MAML2: variants seen among roughly 807,000 people sequenced by gnomAD.
MAML2 encodes the protein mastermind like transcriptional coactivator 2, also known as mastermind-like protein 2.
Under a neutral mutation model 96.1 loss-of-function variants are expected in MAML2, and 22 were observed. The observed-to-expected ratio is 0.23, with a 90% CI of 0.16 to 0.33. The LOEUF (loss-of-function observed/expected upper bound fraction) is 0.33. Ranked by LOEUF, MAML2 falls within the 10% of genes least tolerant of loss-of-function variation. The pLI is 1.00. For synonymous variants in MAML2, 561 were observed against 521.3 expected, an observed-to-expected ratio of 1.08 and a Z score of -1.04; for missense variants, 1,367 against 1,392.4, an observed-to-expected ratio of 0.98 and a Z score of 0.29.
intron 1 of MAML2, among the ~76,000 whole-genome samples, chr11:96,252,654 A>C (rs1862600312): frequency 6.6e-6 from 1 of 152,022 alleles, no homozygotes; most frequent in African/African-American, 2.4e-5. Context: ...TCAACATGAC[A>C]GGCTTATGAG....
chr11:96,212,854 A>G (rs1425964429), intron 1 of MAML2, among the ~76,000 whole-genome samples: 2 of 152,216 alleles, frequency 1.3e-5, no homozygotes, highest in South Asian at 2.1e-4. Context: ...GCAACATGGT[A>G]ATTTAAGCAA....
chr11:96,070,135 C>T (rs199713390), intron 2 of MAML2, among the ~76,000 whole-genome samples: 1 of 151,658 alleles, frequency 6.6e-6, no homozygotes, highest in Non-Finnish European at 1.5e-5. Flanking sequence ...ACTAAAAATA[C>T]AAAAAATTAG....
intron 1 of MAML2, among the ~76,000 whole-genome samples, chr11:96,320,993 C>T (rs776552640): frequency 1.3e-5 from 2 of 152,068 alleles, no homozygotes; most frequent in Non-Finnish European, 2.9e-5. Context: ...TAACATTTTA[C>T]CTGAGGGGTA....
At chr11:96,137,092 G>C (rs1467273898) in intron 1 of MAML2, among the ~76,000 whole-genome samples, 1 of 152,202 alleles carries the variant, frequency 6.6e-6, no homozygotes, top group South Asian at 2.1e-4. Flanking sequence ...AGTTCAGGCA[G>C]GCCACCAAAC....
At chr11:96,084,760 T>A (rs1020103193) in intron 2 of MAML2, among the ~76,000 whole-genome samples, 5 of 152,004 alleles carry the variant, frequency 3.3e-5, no homozygotes, top group African/African-American at 4.8e-5. Flanking sequence ...GACCAGAAAG[T>A]GCGATACACA....
chr11:96,100,897 C>T (rs962137214), intron 1 of MAML2, among the ~76,000 whole-genome samples: 2 of 151,918 alleles, frequency 1.3e-5, no homozygotes, highest in Non-Finnish European at 2.9e-5. Flanking sequence ...AGGAAAGTGA[C>T]AACACACTTG....
In MAML2 at chr11:96,180,707, C is replaced by T. The variant is rs1861469845; in HGVS notation, c.514-87190G>A. On this transcript the variant is annotated intron_variant, in intron 1 of 4. Transcript: ENST00000524717. ...TGCTTGAAACCAGTAGGTTTTGGGG[C>T]AATTTGTTATGCAGTTATAGGAACT... is the stretch of plus-strand genomic sequence containing the variant. 2.6e-5 allele frequency among the ~76,000 whole-genome samples: 4 copies of T among 152,052 alleles called. 1 individual carries two copies. Among genetic ancestry groups the T allele is most frequent in the Admixed American group, 2.6e-4 (4 of 15,270 alleles).
At chr11:95,994,862 G>A (rs151298638) in intron 2 of MAML2, among the ~76,000 whole-genome samples, 1 of 152,126 alleles carries the variant, frequency 6.6e-6, no homozygotes, top group African/African-American at 2.4e-5. Context: ...CCATGCAATG[G>A]ACAAGACCAT....
chr11:96,209,255 G>A lies in MAML2; in HGVS notation c.514-115738C>T, dbSNP rs571239583. On this transcript the variant is annotated intron_variant, in intron 1 of 4. Transcript: ENST00000524717. ...GTGGGGGGTGGGGGGGCAGTCTTTT[G>A]GGACAAGGGTACCTTCTTCACATCC... Among the ~76,000 whole-genome samples, 4 of 151,782 alleles carry A rather than the reference G, an allele frequency of 2.6e-5. No individual in the cohort carries two copies. In the South Asian group the frequency reaches 8.3e-4, roughly 32 times the overall value.
chr11:96,003,107 G>A (rs1365578445), intron 2 of MAML2, among the ~76,000 whole-genome samples: 3 of 140,678 alleles, frequency 2.1e-5, no homozygotes, highest in African/African-American at 7.9e-5. Context: ...GAGGATGATG[G>A]GGATGATGAA....
chr11:96,030,389 A>C (rs1266710578), intron 2 of MAML2, among the ~76,000 whole-genome samples: 1 of 152,186 alleles, frequency 6.6e-6, no homozygotes, highest in African/African-American at 2.4e-5. Flanking sequence ...GCTTTGGAAG[A>C]AATGAATAGA....
intron 1 of MAML2, among the ~76,000 whole-genome samples, chr11:96,192,233 G>A (rs1861663935): frequency 1.3e-5 from 2 of 152,302 alleles, no homozygotes; most frequent in Middle Eastern, 3.4e-3. Context: ...GGCAGTTAGG[G>A]AATCATGTGG....
At chr11:95,996,110 T>A (rs1265241637) in intron 2 of MAML2, among the ~76,000 whole-genome samples, 2 of 152,168 alleles carry the variant, frequency 1.3e-5, no homozygotes, top group African/African-American at 4.8e-5. Context: ...GATCACCTAA[T>A]GCCTAGTCAC....
chr11:96,121,802 T>TTTTTTTTTTTTTTTTTTTTTTC (rs1860348033), intron 1 of MAML2, among the ~76,000 whole-genome samples: 1 of 134,008 alleles, frequency 7.5e-6, no homozygotes, highest in Non-Finnish European at 1.6e-5. Context: ...TTTTTTTTTT[T>TTTTTTTTTTTTTTTTTTTTTTC]TTGAGACGGA....
intron 1 of MAML2, among the ~76,000 whole-genome samples, chr11:96,290,037 T>C (rs565680684): frequency 3.2e-4 from 49 of 152,330 alleles, no homozygotes; most frequent in African/African-American, 1.1e-3. Flanking sequence ...TGTATTTTTA[T>C]TACTTTGTTA....
chr11:96,331,169 G>C (rs879724675), intron 1 of MAML2, among the ~76,000 whole-genome samples: 3 of 152,116 alleles, frequency 2.0e-5, no homozygotes, highest in Non-Finnish European at 2.9e-5. Context: ...TACTCAGAAG[G>C]CTGGCGGGGA....
intron 2 of MAML2, among the ~76,000 whole-genome samples, chr11:96,045,061 A>T (rs1254172109): frequency 6.6e-6 from 1 of 150,748 alleles, no homozygotes; most frequent in East Asian, 2.0e-4. Flanking sequence ...CCTGCACTTC[A>T]CCAAGCCTTG....
At chr11:96,116,304 C>A (rs970939689) in intron 1 of MAML2, among the ~76,000 whole-genome samples, 2 of 152,134 alleles carry the variant, frequency 1.3e-5, no homozygotes, top group African/African-American at 4.8e-5. Flanking sequence ...TAAATGGACT[C>A]AATGTACTCT....
intron 1 of MAML2, among the ~76,000 whole-genome samples, chr11:96,133,615 G>A (rs779714807): frequency 1.3e-5 from 2 of 152,126 alleles, no homozygotes; most frequent in Non-Finnish European, 2.9e-5. Context: ...TATATTTTAT[G>A]TTTTTAAGAA....
Sources: allele counts gnomAD v4.1 joint callset (sites outside exome capture counted in the v4.1 genomes callset), GRCh38; gene constraint gnomAD v4.1.1; transcripts MANE v1.5; gene names NCBI Gene and HGNC (gene_info 2026-07-23, HGNC 2026-07-21).